The following CENPN variants were observed in gnomAD, a reference collection of about 807,000 sequenced individuals.
CENPN encodes the protein interphase centromere complex protein 32.
Under a neutral mutation model 48.6 loss-of-function variants are expected in CENPN, and 36 were observed. The observed-to-expected ratio is 0.74, with a 90% confidence interval of 0.57 to 0.98. The LOEUF (loss-of-function observed/expected upper bound fraction) is 0.98. Among genes scored for constraint, CENPN ranks in the 50% least tolerant of loss-of-function variants. CENPN has a pLI of 0.00. For synonymous variants in CENPN, 166 were observed against 135.2 expected (o/e 1.23, Z -1.58); for missense variants, 439 against 399.2 (o/e 1.10, Z -0.85).
intron 5 of CENPN, 53 bp downstream of exon 5, chr16:81,017,887 A>G (rs1969999357): frequency 9.1e-7 from 1 of 1,100,498 alleles, no homozygotes; most frequent in Non-Finnish European, 1.3e-6. Flanking sequence ...ACGTCTGTGC[A>G]CTTAAAATTT....
At position 81,017,801 on chromosome 16, in the gene CENPN, G is replaced by A. The variant is rs372991874; in HGVS notation, c.321G>A (p.Ser107=). The A allele has an allele frequency of 3.9e-5, 62 of 1,580,540 alleles. No homozygotes were observed. The highest frequency in any genetic ancestry group is 1.5e-4 in the Admixed American group (8 of 52,166). The change falls in exon 5 of 11, where the codon TCG becomes TCA. Residue 107 remains serine, a synonymous_variant. Coordinates refer to ENST00000305850, the MANE Select transcript of CENPN (RefSeq NM_001100624.3). ...TTGATATGAAACAATTTAAAAATTC[G>A]TTCAAGAAAATTCTTCAGAGAGCAT... is the stretch of plus-strand genomic sequence containing the variant. The part of the protein sequence containing the change: ...DLFDMKQFKN[S]FKKILQRALK...
rs750900132 is a variant in CENPN, at chr16:81,026,606, C to G, written c.778C>G (p.Pro260Ala). The G allele has an allele frequency of 4.3e-5, 69 of 1,598,094 alleles. No individual in the cohort carries two copies. Among genetic ancestry groups the G allele is most frequent in the Non-Finnish European group, 5.6e-5 (65 of 1,167,714 alleles). Residue 260 changes from proline (P) to alanine (A), a missense_variant, in exon 9 of 11, where the codon CCT becomes GCT. Transcript: ENST00000305850. The part of the protein sequence containing the change: ...RITQETFGDY[P>A]QPQLEFAQYK... The stretch of plus-strand genomic sequence containing the variant: ...AACTCAAGAAACATTTGGAGATTAT[C>G]CTCAACCACAACTAGAATTTGCACA...
At chr16:81,022,948 A>G in intron 7 of CENPN, 8 of 1,410,064 alleles carry the variant, frequency 5.7e-6, no homozygotes, top group South Asian at 4.0e-5. Context: ...TCAGCTTCCA[A>G]ATCACCTGAT....
In CENPN at chr16:81,020,231, C is replaced by A; in HGVS notation, c.486C>A (p.Phe162Leu). 1 of 1,614,078 alleles carries A rather than the reference C, an allele frequency of 6.2e-7. No homozygotes were observed. The highest frequency in any genetic ancestry group is 1.1e-5 in the South Asian group (1 of 91,058). ...ACTACTCCCAGACTCCGTACGCCTT[C>A]ACGTCCTCCTCCATGCTGAGGCGCA... The part of the protein sequence containing the change: ...VVYYSQTPYA[F>L]TSSSMLRRNT... Residue 162 changes from phenylalanine (F) to leucine (L), a missense_variant, in exon 6 of 11, where the codon TTC becomes TTA. Transcript: ENST00000305850.
chr16:81,030,289 T>G lies in CENPN; in HGVS notation c.*1638T>G, dbSNP rs1970711833. On this transcript the variant is annotated 3_prime_UTR_variant, in exon 11 of 11. Coordinates refer to ENST00000305850, the MANE Select transcript of CENPN (RefSeq NM_001100624.3). ...ATTCTTTATCTTGTTTCAGAGAGGA[T>G]TTGGAGTTACAGAAACACATTAGAC... The G allele has an allele frequency of 2.0e-6, 2 of 985,450 alleles. No individual in the cohort carries two copies. Among genetic ancestry groups the G allele is most frequent in the Non-Finnish European group, 2.4e-6 (2 of 829,932 alleles). 61.0% of individuals were successfully genotyped at this position (985,450 alleles called of 1,614,324 possible).
downstream of CENPN, chr16:81,032,681 A>G (rs758917881): frequency 3.7e-6 from 6 of 1,605,260 alleles, no homozygotes; most frequent in Non-Finnish European, 4.2e-6. Context: ...GTCCCATTGT[A>G]TCCAAGATGT....
intron 4 of CENPN, 108 bp from the exon 5 acceptor site, chr16:81,017,650 T>C (rs1969988424): frequency 1.2e-6 from 1 of 805,662 alleles, no homozygotes; most frequent in Non-Finnish European, 2.1e-6. Context: ...TGATCATTAT[T>C]ACTCTGGAAT....
intron 3 of CENPN, chr16:81,016,905 A>G (rs886468509): frequency 6.8e-5 from 14 of 205,152 alleles, no homozygotes; most frequent in Non-Finnish European, 5.8e-5. Flanking sequence ...CTCTGAGTAG[A>G]GAGCAGAATG....
Position 81,022,651 on chromosome 16 carries a change from C to T in CENPN, c.586C>T (p.Arg196Trp), listed in dbSNP as rs1482477226. ...GATTGTGAAAATGGACCTGAGAAGT[C>T]GGTATCTGGACTCTCTTAAGGCTAT... ...HQIVKMDLRSRYLDSLKAIVF... is the reference protein window; with the variant it reads ...HQIVKMDLRSWYLDSLKAIVF... The change falls in exon 7 of 11, where the codon CGG becomes TGG. Residue 196 changes from arginine to tryptophan, a missense_variant. Transcript: ENST00000305850. 3.7e-6 allele frequency: 6 copies of T among 1,613,966 alleles called. No homozygotes were observed. The highest frequency in any genetic ancestry group is 5.1e-6 in the Non-Finnish European group (6 of 1,179,966).
downstream of CENPN, chr16:81,032,658 G>T (rs773736158): frequency 1.4e-5 from 23 of 1,611,354 alleles, no homozygotes; most frequent in Non-Finnish European, 1.9e-5. Context: ...AGAAGGACTT[G>T]TACCTTCTGT....
chr16:81,024,472 C>T (rs1037130734), intron 7 of CENPN: 6 of 332,792 alleles, frequency 1.8e-5, no homozygotes, highest in African/African-American at 1.3e-4. Context: ...CTGGGCTCTG[C>T]ACTCACCAGA....
At chr16:81,016,441 G>T (rs185109341) in intron 3 of CENPN, among the ~76,000 whole-genome samples, 1 of 152,322 alleles carries the variant, frequency 6.6e-6, no homozygotes, top group East Asian at 1.9e-4. Context: ...TAACTGGAAA[G>T]ACAGGCAGTG....
At position 81,022,430 on chromosome 16, in the gene CENPN, C is replaced by CT. The variant is rs555572203; in HGVS notation, c.532-164dup. The CT allele has an allele frequency of 5.7e-4, 345 of 605,712 alleles. 1 individual carries two copies. The highest frequency in any genetic ancestry group is 9.7e-4 in the Non-Finnish European group (333 of 343,848). 37.5% of individuals were successfully genotyped at this position (605,712 alleles called of 1,614,324 possible). On this transcript the variant is annotated intron_variant, in intron 6 of 10. Coordinates refer to ENST00000305850, the MANE Select transcript of CENPN (RefSeq NM_001100624.3). ...ATCAGAGTATTAATGCCATTAACCA[C>CT]TTTGTTTTTGAAGCTCAGTAACAGG...
At position 81,024,748 on chromosome 16, in the gene CENPN, C is replaced by A. The variant is rs1182995382; in HGVS notation, c.667C>A (p.Gln223Lys). The A allele has an allele frequency of 3.7e-6, 6 of 1,610,728 alleles. No homozygotes were observed. The highest frequency in any genetic ancestry group is 5.1e-6 in the Non-Finnish European group (6 of 1,178,032). ...AACTCACAACTCTACGACACCTCTACAGGAAAGAAGCCTTGGACTAGATAT... is the reference window on the plus strand; with the variant it reads ...AACTCACAACTCTACGACACCTCTAAAGGAAAGAAGCCTTGGACTAGATAT... ...FETHNSTTPL[Q>K]ERSLGLDINM... is the part of the protein sequence containing the mutation. The change falls in exon 8 of 11, where the codon CAG becomes AAG. Residue 223 changes from glutamine to lysine, a missense_variant. Physicochemically the swap from Gln to Lys is moderately conservative, Grantham distance 53. Transcript: ENST00000305850.
chr16:81,007,590 C>T (rs1969491484), intron 1 of CENPN: 1 of 152,528 alleles, frequency 6.6e-6, no homozygotes. Context: ...CCTGGGGTTG[C>T]TTCCTTTCCC....
At chr16:81,009,718 A>T (rs1267771983) in intron 1 of CENPN, among the ~76,000 whole-genome samples, 1 of 152,250 alleles carries the variant, frequency 6.6e-6, no homozygotes, top group Admixed American at 6.5e-5. Context: ...TGTTCAACAA[A>T]TAAGTCACAG....
downstream of CENPN, among the ~76,000 whole-genome samples, chr16:81,031,774 T>C (rs1970789883): frequency 6.6e-6 from 1 of 152,188 alleles, no homozygotes; most frequent in African/African-American, 2.4e-5. Context: ...AGCTAATTTT[T>C]GTATTTTTAG....
intron 3 of CENPN, among the ~76,000 whole-genome samples, chr16:81,016,214 A>C (rs1206426123): frequency 1.3e-5 from 2 of 152,018 alleles, no homozygotes; most frequent in Non-Finnish European, 2.9e-5. Flanking sequence ...TCGTTCATCA[A>C]ACATATACTG....
intron 4 of CENPN, 140 bp from the exon 5 acceptor site, chr16:81,017,618 T>G: frequency 1.4e-6 from 1 of 714,114 alleles, no homozygotes. Flanking sequence ...ATGTCAGAAG[T>G]ACTAGCACCA....
Sources: allele counts gnomAD v4.1 joint callset (sites outside exome capture counted in the v4.1 genomes callset), GRCh38; gene constraint gnomAD v4.1.1; transcripts MANE v1.5; gene names NCBI Gene and HGNC (gene_info 2026-07-23, HGNC 2026-07-21).